The following PDE8A variants were observed in gnomAD, a reference collection of about 807,000 sequenced individuals.
PDE8A encodes the protein phosphodiesterase 8A.
PDE8A carries 59 observed loss-of-function variants against 105.0 expected under a neutral mutation model. The observed-to-expected ratio is 0.56, with a 90% CI of 0.46 to 0.70. PDE8A has a LOEUF of 0.70. Among genes scored for constraint, PDE8A ranks in the 30% least tolerant of loss-of-function variants. The pLI is 0.00. For missense variants in PDE8A, 1,014 were observed against 1,045.9 expected (o/e 0.97, Z 0.42); for synonymous variants, 355 against 371.9 (o/e 0.95, Z 0.52).
At position 85,064,394 on chromosome 15, in the gene PDE8A, G is replaced by C; in HGVS notation, c.211G>C (p.Gly71Arg). 1.2e-6 allele frequency: 2 copies of C among 1,610,196 alleles called. No homozygotes were observed. Among genetic ancestry groups the C allele is most frequent in the East Asian group, 4.5e-5 (2 of 44,792 alleles). Residue 71 changes from glycine to arginine, a missense_variant, in exon 2 of 22, where the codon GGC (glycine) becomes CGC (arginine). Gly to Arg is a moderately radical substitution (Grantham distance 125). Transcript: ENST00000394553. ...KKVAVADVQF[G>R]PMRFHQDQLQ... ...GGTAGCAGTAGCTGATGTGCAGTTT[G>C]GCCCCATGAGATTTCATCAAGATCA...
intron 1 of PDE8A, among the ~76,000 whole-genome samples, chr15:85,045,171 A>G (rs2141405180): frequency 6.6e-6 from 1 of 151,984 alleles, no homozygotes. Flanking sequence ...GCCTTCCTTG[A>G]CTCTGATTCA....
At chr15:85,083,267 A>T (rs996056929) in intron 5 of PDE8A, among the ~76,000 whole-genome samples, 1 of 152,208 alleles carries the variant, frequency 6.6e-6, no homozygotes, top group Non-Finnish European at 1.5e-5. Context: ...GTGACATGAA[A>T]ACAACCAAAA....
chr15:84,984,702 T>C (rs976131212), intron 1 of PDE8A, among the ~76,000 whole-genome samples: 1 of 152,226 alleles, frequency 6.6e-6, no homozygotes, highest in African/African-American at 2.4e-5. Flanking sequence ...TGGAACAATA[T>C]GTGGACTGTT....
At chr15:85,059,953 A>T (rs1357620072) in intron 1 of PDE8A, among the ~76,000 whole-genome samples, 1 of 152,182 alleles carries the variant, frequency 6.6e-6, no homozygotes, top group East Asian at 1.9e-4. Flanking sequence ...GGCTACAGTG[A>T]GCTATGATCA....
chr15:85,007,124 A>G (rs138322036), intron 1 of PDE8A, among the ~76,000 whole-genome samples: 2 of 152,260 alleles, frequency 1.3e-5, no homozygotes, highest in Non-Finnish European at 2.9e-5. Flanking sequence ...GCTACTGATG[A>G]GAGAGCAAAA....
intron 15 of PDE8A, 169 bp downstream of exon 15, chr15:85,115,656 A>C (rs2082084074): frequency 7.2e-6 from 4 of 558,508 alleles, no homozygotes; most frequent in Non-Finnish European, 1.2e-5. Context: ...AGAAACAGTT[A>C]ATCCTGGCCG....
intron 1 of PDE8A, among the ~76,000 whole-genome samples, chr15:85,046,109 C>T (rs395573): frequency 0.53 from 79,245 of 148,172 alleles, 21,354 homozygotes; most frequent in East Asian, 0.57. Flanking sequence ...GCCCTGTCAC[C>T]CAGGCTGGAG....
intron 17 of PDE8A, among the ~76,000 whole-genome samples, chr15:85,118,528 A>T (rs1410885948): frequency 6.6e-6 from 1 of 152,142 alleles, no homozygotes; most frequent in Non-Finnish European, 1.5e-5. Context: ...TGCCAATGTG[A>T]TCTTTCTGAA....
intron 18 of PDE8A, among the ~76,000 whole-genome samples, chr15:85,122,457 A>C (rs1567301396): frequency 6.6e-6 from 1 of 152,212 alleles, no homozygotes; most frequent in African/African-American, 2.4e-5. Context: ...AGTAGTTTCT[A>C]TTCATATTTG....
At position 85,074,916 on chromosome 15, in the gene PDE8A, G is replaced by A. The variant is rs1879091418; in HGVS notation, c.435-946G>A. ...CCAGCTCACCTTTGACTTGACTAGG[G>A]CAGTCTGGTTATGTTCCTCTACATT... On this transcript the variant is annotated intron_variant, in intron 3 of 21. Transcript: ENST00000394553. Among the ~76,000 whole-genome samples the A allele has an allele frequency of 2.0e-5, 3 of 152,252 alleles. No homozygotes were observed. The South Asian group carries it at 6.2e-4, about 32-fold the overall frequency.
In PDE8A at chr15:85,076,806, G is replaced by GAACAAA. The variant is rs2081386943; in HGVS notation, c.546+19_546+20insAACAAA. 7.2e-7 allele frequency: 1 copy of GAACAAA among 1,381,576 alleles called. No individual in the cohort carries two copies. The highest frequency in any genetic ancestry group is 1.4e-5 in the African/African-American group (1 of 70,466). 85.6% of individuals were successfully genotyped at this position (1,381,576 alleles called of 1,614,324 possible). The stretch of plus-strand genomic sequence containing the variant: ...TACAAGGGTATGTACTCACTTATTT[G>GAACAAA]TTATACAAGTATAATTCAATTTGAG... On this transcript the variant is annotated intron_variant, in intron 5 of 21. Transcript: ENST00000394553.
At chr15:85,136,784 C>A in intron 21 of PDE8A, 121 bp downstream of exon 21, 1 of 958,550 alleles carries the variant, frequency 1.0e-6, no homozygotes, top group Non-Finnish European at 1.5e-6. Context: ...AGAACAAGAG[C>A]GAAGTGAACC....
intron 1 of PDE8A, among the ~76,000 whole-genome samples, chr15:84,998,619 A>G (rs1337719884): frequency 1.3e-5 from 2 of 152,198 alleles, no homozygotes; most frequent in Non-Finnish European, 2.9e-5. Context: ...GTATTTATCA[A>G]TATGTAGTCA....
At chr15:85,012,375 A>G (rs2080253503) in intron 1 of PDE8A, among the ~76,000 whole-genome samples, 1 of 152,216 alleles carries the variant, frequency 6.6e-6, no homozygotes, top group African/African-American at 2.4e-5. Flanking sequence ...GCCATAAAAA[A>G]TGATGAGTTC....
chr15:85,023,865 A>G (rs1325974327), intron 1 of PDE8A, among the ~76,000 whole-genome samples: 2 of 152,260 alleles, frequency 1.3e-5, no homozygotes, highest in African/African-American at 4.8e-5. Context: ...GGAATGAAGT[A>G]TTGAGGCCAG....
upstream of PDE8A, among the ~76,000 whole-genome samples, chr15:84,981,472 C>A (rs1269005593): frequency 1.3e-5 from 2 of 152,224 alleles, no homozygotes; most frequent in African/African-American, 4.8e-5. Flanking sequence ...CCAGGCCCCG[C>A]TGGAGCCGAG....
intron 1 of PDE8A, among the ~76,000 whole-genome samples, chr15:84,990,079 T>C (rs2079862483): frequency 6.6e-6 from 1 of 152,150 alleles, no homozygotes; most frequent in Admixed American, 6.5e-5. Flanking sequence ...ACTTTGGGCA[T>C]GGTAACACAC....
intron 1 of PDE8A, chr15:85,063,901 C>G (rs144232928): frequency 6.5e-6 from 1 of 153,878 alleles, no homozygotes; most frequent in South Asian, 2.0e-4. Flanking sequence ...CAATGACATT[C>G]CATGGTTCTG....
chr15:85,020,157 G>T (rs539186639), intron 1 of PDE8A, among the ~76,000 whole-genome samples: 1 of 151,942 alleles, frequency 6.6e-6, no homozygotes, highest in South Asian at 2.1e-4. Context: ...TCTTTCTTAG[G>T]CACAAGATTA....
Sources: gnomAD v4.1 joint callset for allele counts (sites outside exome capture counted in the v4.1 genomes callset) on GRCh38, gnomAD v4.1.1 for gene constraint, MANE v1.5 for transcripts, NCBI Gene and HGNC (gene_info 2026-07-23, HGNC 2026-07-21) for gene names.